Variants in MACROD2 observed in about 807,000 individuals in gnomAD.
MACROD2 encodes mono-ADP ribosylhydrolase 2, also known as ADP-ribose glycohydrolase MACROD2.
MACROD2 carries 36 observed loss-of-function variants against 70.4 expected under a neutral mutation model. That is an observed-to-expected ratio of 0.51 (90% CI 0.39 to 0.68). The LOEUF is 0.68. Ranked by LOEUF, MACROD2 falls within the 30% of genes least tolerant of loss-of-function variation. The pLI, the probability that MACROD2 is intolerant of heterozygous loss-of-function variation, is 0.00. For missense variants in MACROD2, 496 were observed against 538.4 expected, an observed-to-expected ratio of 0.92 and a Z score of 0.78; for synonymous variants, 172 against 178.8, an observed-to-expected ratio of 0.96 and a Z score of 0.30.
intron 5 of MACROD2, among the ~76,000 whole-genome samples, chr20:14,858,039 T>G (rs1243781933): frequency 6.6e-6 from 1 of 152,162 alleles, no homozygotes; most frequent in East Asian, 1.9e-4. Flanking sequence ...CAGGCTGGTC[T>G]CATACTCCTG....
intron 5 of MACROD2, among the ~76,000 whole-genome samples, chr20:14,721,307 T>C (rs552788657): frequency 6.7e-6 from 1 of 149,330 alleles, no homozygotes; most frequent in African/African-American, 2.5e-5. Context: ...AATGTGAAAG[T>C]CTGGATACAC....
intron 3 of MACROD2, among the ~76,000 whole-genome samples, chr20:14,195,689 C>T (rs940106940): frequency 3.3e-5 from 5 of 152,042 alleles, no homozygotes; most frequent in Non-Finnish European, 7.4e-5. Flanking sequence ...GGGAGCACGC[C>T]GGATGCTAGC....
At chr20:15,967,431 G>A (rs2066157291) in intron 12 of MACROD2, 122 bp from the exon 13 acceptor site, 6 of 791,056 alleles carry the variant, frequency 7.6e-6, no homozygotes, top group Non-Finnish European at 1.2e-5. Flanking sequence ...TATTTGAGTG[G>A]TTATTTTTAA....
chr20:15,712,109 G>A (rs2050637428), intron 8 of MACROD2, among the ~76,000 whole-genome samples: 1 of 152,186 alleles, frequency 6.6e-6, no homozygotes, highest in African/African-American at 2.4e-5. Context: ...AATTTAATGT[G>A]ATCCAGCAGC....
intron 5 of MACROD2, among the ~76,000 whole-genome samples, chr20:14,839,720 AGAG>A (rs2073067036): frequency 6.6e-6 from 1 of 152,108 alleles, no homozygotes; most frequent in Non-Finnish European, 1.5e-5. Context: ...TATATTTGGA[AGAG>A]GAGAACTGAT....
chr20:15,653,145 C>T (rs959862994), intron 8 of MACROD2, among the ~76,000 whole-genome samples: 2 of 152,214 alleles, frequency 1.3e-5, no homozygotes, highest in African/African-American at 4.8e-5. Context: ...CTATCTCTTA[C>T]ACCTAAAGTG....
At chr20:15,181,006 A>G (rs1361804305) in intron 5 of MACROD2, among the ~76,000 whole-genome samples, 1 of 152,176 alleles carries the variant, frequency 6.6e-6, no homozygotes, top group Non-Finnish European at 1.5e-5. Flanking sequence ...TAAAAGTTAC[A>G]CATGTTTTTA....
chr20:14,419,244 G>C (rs1022851498), intron 3 of MACROD2, among the ~76,000 whole-genome samples: 6 of 152,038 alleles, frequency 3.9e-5, no homozygotes, highest in Non-Finnish European at 8.8e-5. Flanking sequence ...AGTAGAGAAG[G>C]GGTTTCTCCG....
chr20:15,379,917 G>A (rs997836231), intron 6 of MACROD2, among the ~76,000 whole-genome samples: 5 of 152,150 alleles, frequency 3.3e-5, no homozygotes, highest in African/African-American at 7.2e-5. Flanking sequence ...AAGGCTCTGC[G>A]TATTGTGAAC....
intron 3 of MACROD2, among the ~76,000 whole-genome samples, chr20:14,370,122 G>GAGATATTAAAGTTTAAAAATA (rs1173636492): frequency 3.3e-5 from 5 of 152,254 alleles, no homozygotes; most frequent in African/African-American, 1.2e-4. Flanking sequence ...ATGAAAATGT[G>GAGATATTAAAGTTTAAAAATA]ATTTTAAACT....
At chr20:14,437,898 A>G (rs1047340104) in intron 3 of MACROD2, among the ~76,000 whole-genome samples, 1 of 152,214 alleles carries the variant, frequency 6.6e-6, no homozygotes, top group Non-Finnish European at 1.5e-5. Context: ...CTATAGTGGA[A>G]CAAATTAACA....
chr20:16,021,869 T>A, intron 15 of MACROD2, among the ~76,000 whole-genome samples: 1 of 152,172 alleles, frequency 6.6e-6, no homozygotes, highest in East Asian at 1.9e-4. Flanking sequence ...TTCATCTTTG[T>A]AGTTACACAA....
At chr20:15,008,972 T>G (rs193136986) in intron 5 of MACROD2, among the ~76,000 whole-genome samples, 5 of 152,228 alleles carry the variant, frequency 3.3e-5, no homozygotes, top group Non-Finnish European at 7.4e-5. Flanking sequence ...CCAGAAAATG[T>G]AGCAGTTATA....
intron 4 of MACROD2, among the ~76,000 whole-genome samples, chr20:14,659,434 G>A (rs761035409): frequency 9.2e-5 from 14 of 152,038 alleles, no homozygotes; most frequent in Admixed American, 1.3e-4. Flanking sequence ...CACTCCTTTC[G>A]ATGTCTTTTG....
chr20:15,936,645 C>G (rs2065666088), intron 11 of MACROD2, among the ~76,000 whole-genome samples: 2 of 127,398 alleles, frequency 1.6e-5, no homozygotes, highest in Non-Finnish European at 3.2e-5. Flanking sequence ...TCTAGCCCAT[C>G]TTTTGTCCAT....
At chr20:15,268,021 T>C (rs1211769111) in intron 6 of MACROD2, among the ~76,000 whole-genome samples, 1 of 152,192 alleles carries the variant, frequency 6.6e-6, no homozygotes, top group Non-Finnish European at 1.5e-5. Context: ...AGTTTTTAGC[T>C]GAACTGAGGA....
At chr20:15,564,500 A>G (rs990174590) in intron 8 of MACROD2, among the ~76,000 whole-genome samples, 9 of 152,188 alleles carry the variant, frequency 5.9e-5, no homozygotes, top group African/African-American at 2.2e-4. Context: ...TACCTCTGAC[A>G]TTACTTATAG....
intron 8 of MACROD2, among the ~76,000 whole-genome samples, chr20:15,675,372 T>A (rs975231122): frequency 6.6e-6 from 1 of 152,172 alleles, no homozygotes; most frequent in Non-Finnish European, 1.5e-5. Context: ...GCTGACAGCC[T>A]CCCATGAGGT....
intron 6 of MACROD2, among the ~76,000 whole-genome samples, chr20:15,325,894 G>A (rs928382828): frequency 6.6e-6 from 1 of 152,052 alleles, no homozygotes; most frequent in African/African-American, 2.4e-5. Flanking sequence ...TATCTTCCCC[G>A]TTTCCTCTTA....
Sources: gnomAD v4.1 joint callset for allele counts (sites outside exome capture counted in the v4.1 genomes callset) on GRCh38, gnomAD v4.1.1 for gene constraint, MANE v1.5 for transcripts, NCBI Gene and HGNC (gene_info 2026-07-23, HGNC 2026-07-21) for gene names.